R3HDM1: variants seen among roughly 807,000 people sequenced by gnomAD.
R3HDM1 encodes the protein R3H domain containing 1.
R3HDM1 carries 46 observed loss-of-function variants against 141.1 expected under a neutral mutation model. That is an observed-to-expected ratio of 0.33 (90% confidence interval 0.26 to 0.42). The LOEUF (loss-of-function observed/expected upper bound fraction) is 0.42, where lower values mean the gene tolerates loss of function less well. Ranked by LOEUF, R3HDM1 falls within the 10% of genes least tolerant of loss-of-function variation. The pLI is 1.00. For synonymous variants in R3HDM1, 435 were observed against 472.9 expected, an observed-to-expected ratio of 0.92 and a Z score of 1.04; for missense variants, 1,184 against 1,368.3, an observed-to-expected ratio of 0.87 and a Z score of 2.12.
intron 1 of R3HDM1, among the ~76,000 whole-genome samples, chr2:135,588,048 CTCTTT>C (rs1205470275): frequency 1.6e-4 from 24 of 152,126 alleles, no homozygotes; most frequent in African/African-American, 4.6e-4. Context: ...CTCTCTCTCT[CTCTTT>C]TATCTTTCTA....
chr2:135,673,257 T>A (rs1226139504), intron 19 of R3HDM1, among the ~76,000 whole-genome samples: 1 of 152,088 alleles, frequency 6.6e-6, no homozygotes, highest in Non-Finnish European at 1.5e-5. Context: ...GAGGGTACAG[T>A]GAAACAAAAA....
intron 1 of R3HDM1, among the ~76,000 whole-genome samples, chr2:135,574,070 C>A (rs574279285): frequency 6.6e-6 from 1 of 151,996 alleles, no homozygotes; most frequent in Admixed American, 6.6e-5. Flanking sequence ...CCTAACAAAT[C>A]TGTATTCTGA....
At chr2:135,685,015 C>G (rs1575006663) in intron 21 of R3HDM1, among the ~76,000 whole-genome samples, 1 of 152,274 alleles carries the variant, frequency 6.6e-6, no homozygotes, top group Middle Eastern at 3.4e-3. Flanking sequence ...CCTCTCACCT[C>G]TACCCCCAAA....
intron 1 of R3HDM1, among the ~76,000 whole-genome samples, chr2:135,580,234 G>C (rs1706484684): frequency 6.6e-6 from 1 of 152,160 alleles, no homozygotes; most frequent in Non-Finnish European, 1.5e-5. Context: ...TTGGGCAAGA[G>C]GGACACCCTG....
chr2:135,548,329 A>ACTCC (rs1699163676), intron 1 of R3HDM1, among the ~76,000 whole-genome samples: 1 of 152,074 alleles, frequency 6.6e-6, no homozygotes, highest in Admixed American at 6.6e-5. Context: ...ATGCATTTTA[A>ACTCC]ATTAAGTTGC....
chr2:135,651,534 T>TC, intron 17 of R3HDM1, 196 bp from the exon 18 acceptor site: 2 of 932,434 alleles, frequency 2.1e-6, no homozygotes, highest in Non-Finnish European at 2.6e-6. Flanking sequence ...TTTAAATAAT[T>TC]TATAATTTAT....
chr2:135,670,071 C>A (rs1411129653), intron 19 of R3HDM1, among the ~76,000 whole-genome samples: 7 of 141,088 alleles, frequency 5.0e-5, no homozygotes, highest in Admixed American at 1.5e-4. Context: ...TTGAGGTGGC[C>A]ATAAGCCGAG....
At chr2:135,616,869 T>A (rs1166595799) in intron 5 of R3HDM1, 112 bp downstream of exon 5, 1 of 951,226 alleles carries the variant, frequency 1.1e-6, no homozygotes, top group Non-Finnish European at 1.6e-6. Flanking sequence ...ATGAAACTTA[T>A]TCAATAATAC....
chr2:135,539,647 T>C (rs992381158), intron 1 of R3HDM1, among the ~76,000 whole-genome samples: 3 of 152,192 alleles, frequency 2.0e-5, no homozygotes, highest in African/African-American at 7.2e-5. Flanking sequence ...TTAGGTTTAC[T>C]ACTGATGTTA....
chr2:135,572,134 T>G (rs966575333), intron 1 of R3HDM1, among the ~76,000 whole-genome samples: 5 of 151,994 alleles, frequency 3.3e-5, no homozygotes, highest in South Asian at 4.1e-4. Context: ...ATTTTTTTGG[T>G]TTTTGTAGAG....
chr2:135,556,926 G>T (rs1700889660), intron 1 of R3HDM1, among the ~76,000 whole-genome samples: 1 of 151,770 alleles, frequency 6.6e-6, no homozygotes, highest in Non-Finnish European at 1.5e-5. Flanking sequence ...TCAGCTACCT[G>T]TTTACCTAGA....
At chr2:135,537,354 C>T (rs1426960931) in intron 1 of R3HDM1, among the ~76,000 whole-genome samples, 16 of 136,630 alleles carry the variant, frequency 1.2e-4, no homozygotes, top group African/African-American at 3.7e-4. Flanking sequence ...GGCGCAATCT[C>T]GGCCTACTGC....
rs1694698263 is a variant in R3HDM1, at chr2:135,531,612, C to T, written c.-271C>T. On this transcript the variant is annotated 5_prime_UTR_variant, in exon 1 of 27. Coordinates refer to ENST00000683871, the MANE Select transcript of R3HDM1 (RefSeq NM_001378107.1). ...CCCCGCCGCGCCGCGCTCCAACCGC[C>T]TCCTCCTCCTCAGTAACGCGGGTAA... 6.1e-6 allele frequency: 6 copies of T among 986,724 alleles called. No homozygotes were observed. Among genetic ancestry groups the T allele is most frequent in the Non-Finnish European group, 6.0e-6 (5 of 830,692 alleles). The allele number at this position is 986,724 out of a possible 1,614,324, so 61.1% of individuals were successfully genotyped here. A position where few individuals can be genotyped will look rare whatever the true frequency, so the allele number is the denominator to read the frequency against.
intron 11 of R3HDM1, among the ~76,000 whole-genome samples, chr2:135,636,989 A>T (rs1289766195): frequency 6.6e-6 from 1 of 152,192 alleles, no homozygotes; most frequent in East Asian, 1.9e-4. Context: ...TATTTTACAG[A>T]TAAGGAACCT....
intron 20 of R3HDM1, among the ~76,000 whole-genome samples, chr2:135,676,682 G>A (rs1195851394): frequency 1.3e-5 from 2 of 152,108 alleles, no homozygotes; most frequent in Admixed American, 1.3e-4. Flanking sequence ...ATGTTGGAAG[G>A]CACCTGTAAT....
intron 3 of R3HDM1, among the ~76,000 whole-genome samples, chr2:135,611,824 C>A (rs993503684): frequency 1.3e-5 from 2 of 152,126 alleles, no homozygotes; most frequent in African/African-American, 4.8e-5. Flanking sequence ...ACGGTGCTTT[C>A]TTGTGCTGCG....
intron 23 of R3HDM1, among the ~76,000 whole-genome samples, chr2:135,713,721 A>G (rs1262402388): frequency 2.0e-5 from 3 of 152,188 alleles, no homozygotes; most frequent in African/African-American, 7.2e-5. Flanking sequence ...GCTCCTTAGA[A>G]AAATAACTGT....
chr2:135,534,151 A>G (rs1695537441), intron 1 of R3HDM1, among the ~76,000 whole-genome samples: 2 of 152,194 alleles, frequency 1.3e-5, no homozygotes, highest in African/African-American at 4.8e-5. Flanking sequence ...ATTAAAATGC[A>G]AGTGTCTGTG....
At chr2:135,575,781 T>C (rs1705285607) in intron 1 of R3HDM1, among the ~76,000 whole-genome samples, 1 of 152,200 alleles carries the variant, frequency 6.6e-6, no homozygotes, top group African/African-American at 2.4e-5. Context: ...TAGATTTGAA[T>C]AGGATGGCTC....
Sources: gnomAD v4.1 joint callset for allele counts (sites outside exome capture counted in the v4.1 genomes callset) on GRCh38, gnomAD v4.1.1 for gene constraint, MANE v1.5 for transcripts, NCBI Gene and HGNC (gene_info 2026-07-23, HGNC 2026-07-21) for gene names.